The following BEND4 variants were observed in gnomAD, a reference collection of about 807,000 sequenced individuals.
BEND4 encodes the protein BEN domain containing 4.
A neutral mutation model predicts 54.7 loss-of-function variants in BEND4; 27 were observed. The ratio of observed to expected loss-of-function variants is 0.49; its 90% CI spans 0.36 to 0.68. The LOEUF (loss-of-function observed/expected upper bound fraction) is 0.68. BEND4 is among the 30% of genes least tolerant of loss of function. BEND4 has a pLI of 0.00. For missense variants in BEND4, 702 were observed against 697.2 expected (o/e 1.01, Z -0.08); for synonymous variants, 327 against 299.5 (o/e 1.09, Z -0.95).
intron 3 of BEND4, among the ~76,000 whole-genome samples, chr4:42,138,283 T>G (rs1411395450): frequency 6.6e-6 from 1 of 152,122 alleles, no homozygotes; most frequent in Non-Finnish European, 1.5e-5. Flanking sequence ...CTGCCACAAC[T>G]TGGGTGAGTC....
chr4:42,151,555 C>G, intron 2 of BEND4, 102 bp downstream of exon 2: 1 of 1,265,778 alleles, frequency 7.9e-7, no homozygotes, highest in Non-Finnish European at 1.0e-6. Flanking sequence ...CCGACACGGC[C>G]CAGCACGGGT....
chr4:42,121,711 A>C (rs16854048), intron 4 of BEND4, among the ~76,000 whole-genome samples: 34,426 of 152,076 alleles, frequency 0.23, 5,528 homozygotes, highest in African/African-American at 0.46. Context: ...CCCCGGTTGC[A>C]GTTTCATGGC....
At position 42,116,784 on chromosome 4, in the gene BEND4, A is replaced by C. The variant is rs1468721574; in HGVS notation, c.*734T>G. 1 of 152,230 alleles carries C rather than the reference A, an allele frequency of 6.6e-6. No homozygotes were observed. Among genetic ancestry groups the C allele is most frequent in the African/African-American group, 2.4e-5 (1 of 41,476 alleles). The allele number at this position is 152,230 out of a possible 1,614,324, so 9.4% of individuals were successfully genotyped here. A position where few individuals can be genotyped will look rare whatever the true frequency, so the allele number is the denominator to read the frequency against. ...AGGCTATGGAAACTGCGGATTTATTAACCTACAAAACTGAGCATTTGAAAA... is the reference window on the plus strand; with the variant it reads ...AGGCTATGGAAACTGCGGATTTATTCACCTACAAAACTGAGCATTTGAAAA... On this transcript the variant is annotated 3_prime_UTR_variant, in exon 6 of 6. Coordinates refer to ENST00000502486, the MANE Select transcript of BEND4 (RefSeq NM_207406.4).
At chr4:42,135,893 A>G (rs902385329) in intron 3 of BEND4, among the ~76,000 whole-genome samples, 1 of 152,246 alleles carries the variant, frequency 6.6e-6, no homozygotes, top group African/African-American at 2.4e-5. Flanking sequence ...AATCACAGAT[A>G]CCAAGTAGCA....
intron 2 of BEND4, among the ~76,000 whole-genome samples, chr4:42,148,901 T>C (rs1181811993): frequency 6.6e-6 from 1 of 152,222 alleles, no homozygotes; most frequent in African/African-American, 2.4e-5. Context: ...CATGGTGTAT[T>C]ACCCCTTTTA....
chr4:42,126,818 C>T (rs1720305328), intron 3 of BEND4, among the ~76,000 whole-genome samples: 1 of 152,112 alleles, frequency 6.6e-6, no homozygotes, highest in South Asian at 2.1e-4. Context: ...GGAGACCTGC[C>T]TGGGCAATAT....
chr4:42,144,014 A>T lies in BEND4; in HGVS notation c.488-20T>A. ...GACTCTCTGAAACAAATGAAAGGACACATCAGTGACCAACAGCCAACGGCA... is the reference window on the plus strand; with the variant it reads ...GACTCTCTGAAACAAATGAAAGGACTCATCAGTGACCAACAGCCAACGGCA... On this transcript the variant is annotated intron_variant, in intron 2 of 5. Coordinates refer to ENST00000502486, the MANE Select transcript of BEND4 (RefSeq NM_207406.4). The T allele has an allele frequency of 6.4e-7, 1 of 1,567,576 alleles. No homozygotes were observed. Among genetic ancestry groups the T allele is most frequent in the Non-Finnish European group, 8.7e-7 (1 of 1,150,578 alleles).
chr4:42,135,188 C>A (rs1009186957), intron 3 of BEND4, among the ~76,000 whole-genome samples: 5 of 152,236 alleles, frequency 3.3e-5, no homozygotes, highest in Admixed American at 6.5e-5. Context: ...AGAGGTCCCA[C>A]TGATGGGTGT....
In BEND4 at chr4:42,152,272, C is replaced by A; in HGVS notation, c.-129G>T. The A allele has an allele frequency of 1.0e-6, 1 of 971,812 alleles. No individual in the cohort carries two copies. The highest frequency in any genetic ancestry group is 1.3e-6 in the Non-Finnish European group (1 of 757,054). The allele number at this position is 971,812 out of a possible 1,614,324, so 60.2% of individuals were successfully genotyped here. A position where few individuals can be genotyped will look rare whatever the true frequency, so the allele number is the denominator to read the frequency against. On this transcript the variant is annotated 5_prime_UTR_variant, in exon 2 of 6. Coordinates refer to ENST00000502486, the MANE Select transcript of BEND4 (RefSeq NM_207406.4). ...GCGTGTGGGAGGGTGTGTGTCTGTG[C>A]CGTGGCCGCCGCCGCCGCCGCCTGT...
At position 42,151,983 on chromosome 4, in the gene BEND4, G is replaced by T; in HGVS notation, c.161C>A (p.Ala54Glu). The T allele has an allele frequency of 3.2e-6, 4 of 1,252,884 alleles. No homozygotes were observed. The highest frequency in any genetic ancestry group is 4.0e-6 in the Non-Finnish European group (4 of 994,588). The allele number at this position is 1,252,884 out of a possible 1,614,324, so 77.6% of individuals were successfully genotyped here. Reference sequence around the variant, plus strand: ...GAAGGGCGGCGGGGGCGGCGGGGGCGCCCGCACGTGCGGCAGCTCCACCAG... The same window carrying T: ...GAAGGGCGGCGGGGGCGGCGGGGGCTCCCGCACGTGCGGCAGCTCCACCAG... Reference protein sequence around the residue: ...PTLVELPHVRAPPPPPPPFAP... With the variant: ...PTLVELPHVREPPPPPPPFAP... The change falls in exon 2 of 6, where the codon GCG becomes GAG. Residue 54 changes from alanine (A) to glutamate (E), a missense_variant. Ala to Glu is a moderately radical substitution (Grantham distance 107). Transcript: ENST00000502486.
At position 42,112,158 on chromosome 4, in the gene BEND4, T is replaced by C. The variant is rs957525617; in HGVS notation, c.*5360A>G. The stretch of plus-strand genomic sequence containing the variant: ...CTGTGCTCCAACTACTGAGGAAGAC[T>C]GAACTCGTCATTCTGCTTCCTATGC... On this transcript the variant is annotated 3_prime_UTR_variant, in exon 6 of 6. Coordinates refer to ENST00000502486, the MANE Select transcript of BEND4 (RefSeq NM_207406.4). 1.2e-4 allele frequency: 18 copies of C among 152,238 alleles called. No individual in the cohort carries two copies. Among genetic ancestry groups the C allele is most frequent in the African/African-American group, 3.6e-4 (15 of 41,450 alleles). The allele number at this position is 152,238 out of a possible 1,614,324, so 9.4% of individuals were successfully genotyped here.
intron 4 of BEND4, among the ~76,000 whole-genome samples, chr4:42,122,306 C>G (rs1720095572): frequency 6.6e-6 from 1 of 152,078 alleles, no homozygotes; most frequent in African/African-American, 2.4e-5. Flanking sequence ...ATGATAATCC[C>G]AGCTTGGTGG....
chr4:42,146,554 T>C (rs1301011271), intron 2 of BEND4, among the ~76,000 whole-genome samples: 1 of 152,164 alleles, frequency 6.6e-6, no homozygotes, highest in Non-Finnish European at 1.5e-5. Flanking sequence ...ACAGCTGAAC[T>C]ATACAAGTAA....
chr4:42,135,256 C>G (rs917110881), intron 3 of BEND4, among the ~76,000 whole-genome samples: 2 of 152,148 alleles, frequency 1.3e-5, no homozygotes, highest in Non-Finnish European at 2.9e-5. Context: ...GAGAGATGAG[C>G]TCTGGATGGA....
chr4:42,124,541 G>A (rs2153145153), intron 4 of BEND4, among the ~76,000 whole-genome samples: 1 of 152,280 alleles, frequency 6.6e-6, no homozygotes, highest in Admixed American at 6.5e-5. Context: ...AGAGCACGGA[G>A]GAGGAGAGGT....
intron 3 of BEND4, among the ~76,000 whole-genome samples, chr4:42,131,475 T>C (rs544393136): frequency 1.3e-5 from 2 of 152,340 alleles, no homozygotes; most frequent in South Asian, 4.1e-4. Flanking sequence ...AGTTTTATAC[T>C]AATTTAAAAG....
chr4:42,145,557 T>C (rs1276775327), intron 2 of BEND4, among the ~76,000 whole-genome samples: 1 of 151,846 alleles, frequency 6.6e-6, no homozygotes, highest in Admixed American at 6.6e-5. Flanking sequence ...CTGGACATGG[T>C]GGCGCGCACC....
intron 3 of BEND4, among the ~76,000 whole-genome samples, chr4:42,139,005 A>G (rs1344879374): frequency 6.6e-6 from 1 of 152,110 alleles, no homozygotes; most frequent in African/African-American, 2.4e-5. Flanking sequence ...GCCCTCTTTT[A>G]TGAGTTCTCC....
In BEND4 at chr4:42,115,922, G is replaced by C. The variant is rs933268296; in HGVS notation, c.*1596C>G. The C allele has an allele frequency of 1.3e-5, 2 of 152,112 alleles. No individual in the cohort carries two copies. Among genetic ancestry groups the C allele is most frequent in the African/African-American group, 4.8e-5 (2 of 41,404 alleles). 9.4% of individuals were successfully genotyped at this position (152,112 alleles called of 1,614,324 possible). On this transcript the variant is annotated 3_prime_UTR_variant, in exon 6 of 6. Coordinates refer to ENST00000502486, the MANE Select transcript of BEND4 (RefSeq NM_207406.4). The stretch of plus-strand genomic sequence containing the variant: ...AAATATTAGTGCCCACTACATCATT[G>C]AGCAGATCTGACAGATGACCACCTC...
Sources: gnomAD v4.1 joint callset for allele counts (sites outside exome capture counted in the v4.1 genomes callset) on GRCh38, gnomAD v4.1.1 for gene constraint, MANE v1.5 for transcripts, NCBI Gene and HGNC (gene_info 2026-07-23, HGNC 2026-07-21) for gene names.